ANKRD35: variants seen among roughly 807,000 people sequenced by gnomAD.
ANKRD35 encodes the protein ankyrin repeat domain 35.
Under a neutral mutation model 109.9 loss-of-function variants are expected in ANKRD35, and 102 were observed. The observed-to-expected ratio is 0.93, with a 90% CI of 0.79 to 1.09. The LOEUF is 1.09. Among genes scored for constraint, ANKRD35 ranks in the 50% least tolerant of loss-of-function variants. ANKRD35 has a pLI of 0.00. For missense variants in ANKRD35, 1,240 were observed against 1,230.1 expected (o/e 1.01, Z -0.12); for synonymous variants, 515 against 512.4 (o/e 1.01, Z -0.07).
In ANKRD35 at chr1:145,879,385, C is replaced by G; in HGVS notation, c.43G>C (p.Glu15Gln). 1 of 1,570,742 alleles carries G rather than the reference C, an allele frequency of 6.4e-7. No homozygotes were observed. The highest frequency in any genetic ancestry group is 8.6e-7 in the Non-Finnish European group (1 of 1,156,828). Residue 15 changes from glutamate to glutamine, a missense_variant, in exon 2 of 14, where the codon GAG becomes CAG. Coordinates refer to ENST00000355594, the MANE Select transcript of ANKRD35 (RefSeq NM_144698.5). Reference protein sequence around the residue: ...FSCSSTQVAVERWNRHDQKLL... With the variant: ...FSCSSTQVAVQRWNRHDQKLL... ...TTCTGATCATGGCGGTTCCATCTCT[C>G]CACCTGGTCCAGAGCCACAGGTTGT... is the stretch of plus-strand genomic sequence containing the variant.
chr1:145,876,225 T>A lies in ANKRD35; in HGVS notation c.475A>T (p.Ile159Phe). ...GCTGCGTGCCCACCCAGCGATGCGATCATCAGGGGTGTACGTCCATCCTGC... is the reference window on the plus strand; with the variant it reads ...GCTGCGTGCCCACCCAGCGATGCGAACATCAGGGGTGTACGTCCATCCTGC... ...LDNDGRTPLM[I>F]ASLGGHAAIC... The change falls in exon 7 of 14, where the codon ATC becomes TTC. Residue 159 changes from isoleucine (I) to phenylalanine (F), a missense_variant. Transcript: ENST00000355594. The A allele has an allele frequency of 6.2e-7, 1 of 1,613,782 alleles. No individual in the cohort carries two copies. Among genetic ancestry groups the A allele is most frequent in the East Asian group, 2.2e-5 (1 of 44,874 alleles).
At chr1:145,867,743 T>C (rs190956168) in intron 12 of ANKRD35, among the ~76,000 whole-genome samples, 225 of 152,232 alleles carry the variant, frequency 1.5e-3, no homozygotes, top group African/African-American at 5.2e-3. Flanking sequence ...AGAAAGGGTA[T>C]TGGGGACAGG....
In ANKRD35 at chr1:145,872,042, T is replaced by G. The variant is rs782291487; in HGVS notation, c.2727A>C (p.Ala909=). 1.2e-6 allele frequency: 2 copies of G among 1,613,696 alleles called. No homozygotes were observed. The highest frequency in any genetic ancestry group is 1.7e-6 in the Non-Finnish European group (2 of 1,179,980). Residue 909 remains alanine (A), a synonymous_variant, in exon 10 of 14, where the codon GCA becomes GCC. Transcript: ENST00000355594. ...RGRSEQFEKT[A]ELLKEKMEHL... is the part of the protein sequence containing the mutation. ...GCTCCATCTTCTCTTTCAGCAGCTCTGCCGTTTTCTCAAACTGCTCGGAGC... is the reference window on the plus strand; with the variant it reads ...GCTCCATCTTCTCTTTCAGCAGCTCGGCCGTTTTCTCAAACTGCTCGGAGC...
chr1:145,884,155 G>A (rs1381522462), intron 1 of ANKRD35, among the ~76,000 whole-genome samples: 1 of 152,194 alleles, frequency 6.6e-6, no homozygotes, highest in Non-Finnish European at 1.5e-5. Context: ...CCACAAACCT[G>A]TAAGGGAAAG....
At chr1:145,876,936 C>T (rs1443265038) in intron 4 of ANKRD35, 63 bp from the exon 5 acceptor site, 4 of 1,554,232 alleles carry the variant, frequency 2.6e-6, no homozygotes, top group African/African-American at 1.4e-5. Flanking sequence ...TCCCATACCC[C>T]CATTGGGTCA....
chr1:145,867,490 T>C (rs1653651337), intron 12 of ANKRD35, 98 bp from the exon 13 acceptor site: 2 of 989,292 alleles, frequency 2.0e-6, no homozygotes, highest in Non-Finnish European at 1.6e-6. Flanking sequence ...AGGCTATTTA[T>C]TTACTATATA....
chr1:145,867,255 C>A (rs191636589), intron 13 of ANKRD35, 32 bp downstream of exon 13: 1 of 1,456,836 alleles, frequency 6.9e-7, no homozygotes, highest in Non-Finnish European at 9.6e-7. Flanking sequence ...CTCCCAAACT[C>A]CTTCCCTCAT....
chr1:145,882,538 C>T (rs927444541), intron 1 of ANKRD35, among the ~76,000 whole-genome samples: 5 of 151,582 alleles, frequency 3.3e-5, no homozygotes, highest in Admixed American at 1.3e-4. Flanking sequence ...AGTGATCCTC[C>T]GCACCTCAGC....
chr1:145,875,771 A>G (rs1194850354), intron 7 of ANKRD35, among the ~76,000 whole-genome samples: 1 of 150,976 alleles, frequency 6.6e-6, no homozygotes, highest in East Asian at 2.0e-4. Context: ...GATGGTCTCA[A>G]TCTCTTGACC....
chr1:145,873,835 G>A lies in ANKRD35; in HGVS notation c.934C>T (p.Leu312=). ...GTCTTTTGCACCAGCTCCTGCTCCA[G>A]CCGAACAACTTTCCTCCGCTCCTCT... ...YEEERRKVVR[L]EQELVQKTEE... is the part of the protein sequence containing the mutation. The change falls in exon 10 of 14, where the codon CTG becomes TTG. Residue 312 remains leucine (L), a synonymous_variant. Coordinates refer to ENST00000355594, the MANE Select transcript of ANKRD35 (RefSeq NM_144698.5). 1 of 1,611,294 alleles carries A rather than the reference G, an allele frequency of 6.2e-7. No individual in the cohort carries two copies. Among genetic ancestry groups the A allele is most frequent in the Non-Finnish European group, 8.5e-7 (1 of 1,178,636 alleles).
chr1:145,883,442 G>A (rs937047952), intron 1 of ANKRD35, among the ~76,000 whole-genome samples: 3 of 152,222 alleles, frequency 2.0e-5, no homozygotes, highest in Admixed American at 2.0e-4. Flanking sequence ...TACCTAGGCA[G>A]AGTAAGCTCA....
intron 2 of ANKRD35, 36 bp downstream of exon 2, chr1:145,879,222 C>T (rs1654197793): frequency 6.5e-7 from 1 of 1,530,322 alleles, no homozygotes; most frequent in Non-Finnish European, 8.8e-7. Context: ...AAAAGGGAGC[C>T]ACATGTAAGG....
intron 10 of ANKRD35, among the ~76,000 whole-genome samples, chr1:145,869,451 G>A (rs1653728768): frequency 6.6e-6 from 1 of 151,958 alleles, no homozygotes; most frequent in Non-Finnish European, 1.5e-5. Flanking sequence ...TAAAGTGCTG[G>A]GATTACAGGT....
rs1323802626 is a variant in ANKRD35 at position 145,874,005 on chromosome 1, G to A, written c.784-20C>T. On this transcript the variant is annotated intron_variant, in intron 9 of 13. Transcript: ENST00000355594. Reference sequence around the variant, plus strand: ...AGAGGCCTATGTTGGAAACAGAATAGTAAAGTGTGGCCACTAGGCAACGAA... The same window carrying A: ...AGAGGCCTATGTTGGAAACAGAATAATAAAGTGTGGCCACTAGGCAACGAA... 1 of 1,612,652 alleles carries A rather than the reference G, an allele frequency of 6.2e-7. No homozygotes were observed. The highest frequency in any genetic ancestry group is 2.2e-5 in the East Asian group (1 of 44,890).
intron 1 of ANKRD35, among the ~76,000 whole-genome samples, chr1:145,880,104 T>C (rs868992717): frequency 2.0e-5 from 3 of 152,098 alleles, no homozygotes; most frequent in Non-Finnish European, 2.9e-5. Flanking sequence ...GCTCCCCTTC[T>C]CCTCCCTCCC....
chr1:145,879,672 A>G (rs587623448), intron 1 of ANKRD35, among the ~76,000 whole-genome samples: 1 of 152,206 alleles, frequency 6.6e-6, no homozygotes, highest in Non-Finnish European at 1.5e-5. Flanking sequence ...ACAGTATTTC[A>G]AATGTCCTTT....
At chr1:145,875,304 C>G (rs754540082) in intron 7 of ANKRD35, among the ~76,000 whole-genome samples, 3 of 151,788 alleles carry the variant, frequency 2.0e-5, no homozygotes, top group Non-Finnish European at 4.4e-5. Context: ...CACCACCACA[C>G]CCGGCTAATT....
At chr1:145,880,968 A>C (rs183765342) in intron 1 of ANKRD35, among the ~76,000 whole-genome samples, 42 of 152,330 alleles carry the variant, frequency 2.8e-4, no homozygotes, top group African/African-American at 9.1e-4. Context: ...AGATCACGAA[A>C]AAGAGTGGCA....
chr1:145,871,668 C>T (rs1653826410), intron 10 of ANKRD35, among the ~76,000 whole-genome samples: 1 of 152,170 alleles, frequency 6.6e-6, no homozygotes, highest in South Asian at 2.1e-4. Flanking sequence ...ATATGCAATT[C>T]AAGTCCAAAT....
Sources: gnomAD v4.1 joint callset for allele counts (sites outside exome capture counted in the v4.1 genomes callset) on GRCh38, gnomAD v4.1.1 for gene constraint, MANE v1.5 for transcripts, NCBI Gene and HGNC (gene_info 2026-07-23, HGNC 2026-07-21) for gene names.